The following SLC11A1 variants were observed in gnomAD, a reference collection of about 807,000 sequenced individuals.
SLC11A1 encodes natural resistance-associated macrophage protein 1.
Under a neutral mutation model 63.2 loss-of-function variants are expected in SLC11A1, and 59 were observed. The observed-to-expected ratio is 0.93, with a 90% confidence interval of 0.76 to 1.16. The LOEUF (loss-of-function observed/expected upper bound fraction) is 1.16. Ranked by LOEUF, SLC11A1 falls within the 50% of genes most tolerant of loss-of-function variation. The probability of loss-of-function intolerance (pLI) is 0.00; values close to 1 mark genes in which losing one functional copy is unlikely to be tolerated. For missense variants in SLC11A1, 688 were observed against 730.7 expected, an observed-to-expected ratio of 0.94 and a Z score of 0.67; for synonymous variants, 305 against 307.8, an observed-to-expected ratio of 0.99 and a Z score of 0.09.
rs1696421171 is a variant in SLC11A1 at position 218,391,268 on chromosome 2, C to A, written c.1025C>A (p.Ala342Asp). The change falls in exon 10 of 15, where the codon GCC becomes GAC. Residue 342 changes from alanine (A) to aspartate (D), a missense_variant. Coordinates refer to ENST00000233202, the MANE Select transcript of SLC11A1 (RefSeq NM_000578.4). ...KIFPMNNATV[A>D]VDIYQGGVIL... is the part of the protein sequence containing the mutation. The stretch of plus-strand genomic sequence containing the variant: ...TTCCCCATGAACAACGCCACCGTGG[C>A]CGTGGACATTTACCAGGGGGTGAGC... 2.6e-6 allele frequency: 4 copies of A among 1,538,424 alleles called. No homozygotes were observed. The East Asian group carries it at 1.0e-4, about 39-fold the overall frequency.
At chr2:218,389,681 G>C (rs1324481915) in intron 8 of SLC11A1, among the ~76,000 whole-genome samples, 189 bp from the exon 9 acceptor site, 1 of 152,208 alleles carries the variant, frequency 6.6e-6, no homozygotes, top group African/African-American at 2.4e-5. Flanking sequence ...GTGGCTTACA[G>C]TGGTAAGGCC....
chr2:218,385,329 G>T, intron 4 of SLC11A1, 63 bp downstream of exon 4: 1 of 1,606,756 alleles, frequency 6.2e-7, no homozygotes, highest in Non-Finnish European at 8.5e-7. Flanking sequence ...GCCATTTTCA[G>T]CTTCCACGAT....
chr2:218,384,125 T>C lies in SLC11A1; in HGVS notation c.151-118T>C, dbSNP rs1236433190. On this transcript the variant is annotated intron_variant, in intron 2 of 14. Transcript: ENST00000233202. The surrounding 1 kb of genome is among the most constrained non-coding windows in gnomAD (Gnocchi z 4.0). ...GGGTGGCAGACCCAGGAATGGGCCA[T>C]GGAGGGCAGGGCTGGGCTGATGAGC... 2.2e-5 allele frequency: 25 copies of C among 1,130,698 alleles called. No individual in the cohort carries two copies. In the Admixed American group the frequency reaches 3.2e-4, roughly 15 times the overall value. The allele number at this position is 1,130,698 out of a possible 1,614,324, so 70.0% of individuals were successfully genotyped here.
chr2:218,388,251 C>A, intron 8 of SLC11A1: 1 of 319,162 alleles, frequency 3.1e-6, no homozygotes, highest in Non-Finnish European at 5.8e-6. Context: ...GCCTGTAGTC[C>A]CAGCGGCTCG....
At chr2:218,390,222 G>T (rs1299439275) in intron 9 of SLC11A1, among the ~76,000 whole-genome samples, 194 bp downstream of exon 9, 4 of 152,072 alleles carry the variant, frequency 2.6e-5, no homozygotes, top group Non-Finnish European at 5.9e-5. Context: ...TAGACCCTGG[G>T]GATACAGCAG....
intron 12 of SLC11A1, among the ~76,000 whole-genome samples, chr2:218,393,591 C>T (rs898259830): frequency 2.0e-5 from 3 of 151,688 alleles, no homozygotes; most frequent in Admixed American, 6.6e-5. Context: ...ATTCTTCTGC[C>T]TCAGCCTCCT....
chr2:218,394,525 C>T (rs1696643860), intron 13 of SLC11A1, 107 bp from the exon 14 acceptor site: 6 of 1,273,334 alleles, frequency 4.7e-6, no homozygotes, highest in Non-Finnish European at 6.6e-6. Context: ...AGAGAAGCGG[C>T]CTCAGTGTAT....
At chr2:218,387,993 A>T (rs1344831104) in intron 8 of SLC11A1, 38 bp downstream of exon 8, 2 of 1,539,596 alleles carry the variant, frequency 1.3e-6, no homozygotes, top group Admixed American at 2.0e-5. Flanking sequence ...CCCCTCACTC[A>T]GTCGGAGCCA....
At chr2:218,388,588 G>C (rs954734404) in intron 8 of SLC11A1, among the ~76,000 whole-genome samples, 62 of 151,386 alleles carry the variant, frequency 4.1e-4, no homozygotes, top group African/African-American at 1.5e-3. Flanking sequence ...ACGAGGTCAG[G>C]AGTTTGAGAC....
At chr2:218,383,852 C>T (rs1174312872) in intron 2 of SLC11A1, 3 of 157,330 alleles carry the variant, frequency 1.9e-5, no homozygotes, top group East Asian at 1.8e-4. Flanking sequence ...ATAGCCTCAG[C>T]GGACCACAGA....
chr2:218,389,849 C>G (rs1469937495), intron 8 of SLC11A1, 21 bp from the exon 9 acceptor site: 2 of 1,594,856 alleles, frequency 1.3e-6, no homozygotes, highest in South Asian at 1.1e-5. Flanking sequence ...TGGCACTTCC[C>G]TCTCCCTTTG....
At position 218,387,966 on chromosome 2, in the gene SLC11A1, G is replaced by A. The variant is rs201504334; in HGVS notation, c.795+11G>A. On this transcript the variant is annotated intron_variant, in intron 8 of 14. Transcript: ENST00000233202. ...TCGGCCCTGGTCAAGGTGAGCAGAG[G>A]GGAGGGGAAAGGAGACCCCCTCACT... 6 of 1,592,340 alleles carry A rather than the reference G, an allele frequency of 3.8e-6. No homozygotes were observed. Among genetic ancestry groups the A allele is most frequent in the Non-Finnish European group, 5.1e-6 (6 of 1,167,550 alleles).
chr2:218,383,025 A>G lies in SLC11A1; in HGVS notation c.73A>G (p.Thr25Ala), dbSNP rs1695886747. ...YGSISSPTSP[T>A]SPGPQQAPPR... The stretch of plus-strand genomic sequence containing the variant: ...TTCCATCTCCAGCCCGACCAGCCCG[A>G]CCAGCCCAGGGCCACAGCAAGCACC... Residue 25 changes from threonine to alanine, a missense_variant, in exon 2 of 15, where the codon ACC becomes GCC. Coordinates refer to ENST00000233202, the MANE Select transcript of SLC11A1 (RefSeq NM_000578.4). The G allele has an allele frequency of 6.2e-7, 1 of 1,613,382 alleles. No homozygotes were observed. Among genetic ancestry groups the G allele is most frequent in the African/African-American group, 1.3e-5 (1 of 74,516 alleles).
chr2:218,391,048 C>G, intron 9 of SLC11A1, 150 bp from the exon 10 acceptor site: 2 of 670,070 alleles, frequency 3.0e-6, no homozygotes, highest in East Asian at 5.4e-5. Context: ...AAAACAAAAC[C>G]CAACTTATTT....
At chr2:218,392,118 G>A (rs1696490662) in intron 11 of SLC11A1, 1 of 396,298 alleles carries the variant, frequency 2.5e-6, no homozygotes, top group South Asian at 1.7e-5. Context: ...TGCCCAGGCT[G>A]GAGTGCAATG....
chr2:218,387,917 A>C lies in SLC11A1; in HGVS notation c.757A>C (p.Met253Leu), dbSNP rs1696199490. 6.2e-7 allele frequency: 1 copy of C among 1,610,550 alleles called. No individual in the cohort carries two copies. Among genetic ancestry groups the C allele is most frequent in the East Asian group, 2.2e-5 (1 of 44,732 alleles). ...QAVGIVGAII[M>L]PHNIYLHSAL... ...GGTGGGCATTGTTGGCGCCATCATC[A>C]TGCCCCACAACATCTACCTGCACTC... The change falls in exon 8 of 15, where the codon ATG (methionine) becomes CTG (leucine). Residue 253 changes from methionine to leucine, a missense_variant. Transcript: ENST00000233202.
At chr2:218,394,824 G>A in intron 14 of SLC11A1, 39 bp downstream of exon 14, 1 of 1,609,564 alleles carries the variant, frequency 6.2e-7, no homozygotes, top group African/African-American at 1.3e-5. Context: ...AATGGATGAG[G>A]GAAGGACAAG....
rs750210171 is a variant in SLC11A1, at chr2:218,387,598, T to C, written c.605T>C (p.Leu202Pro). Residue 202 changes from leucine (L) to proline (P), a missense_variant, in exon 7 of 15, where the codon CTT becomes CCT. By Grantham distance (98) the Leu-to-Pro change is moderately conservative. Coordinates refer to ENST00000233202, the MANE Select transcript of SLC11A1 (RefSeq NM_000578.4). Reference sequence around the variant, plus strand: ...AAGCTGGAAGCTTTTTTTGGACTCCTTATAACCATTATGGCCTTGACCTTT... The same window carrying C: ...AAGCTGGAAGCTTTTTTTGGACTCCCTATAACCATTATGGCCTTGACCTTT... ...LRKLEAFFGL[L>P]ITIMALTFGY... The C allele has an allele frequency of 3.1e-6, 5 of 1,614,088 alleles. No homozygotes were observed. In the South Asian group the frequency reaches 5.5e-5, roughly 18 times the overall value.
intron 5 of SLC11A1, 99 bp from the exon 6 acceptor site, chr2:218,387,061 G>A: frequency 1.8e-6 from 2 of 1,126,150 alleles, no homozygotes; most frequent in Non-Finnish European, 2.7e-6. Flanking sequence ...TTAGGGTCCT[G>A]CTCCCAGGAG....
Sources: allele counts gnomAD v4.1 joint callset (sites outside exome capture counted in the v4.1 genomes callset), GRCh38; gene constraint gnomAD v4.1.1; non-coding constraint Gnocchi (gnomAD v3.1); transcripts MANE v1.5; gene names NCBI Gene and HGNC (gene_info 2026-07-23, HGNC 2026-07-21).